C8orf34: variants seen among roughly 807,000 people sequenced by gnomAD.
The protein encoded by C8orf34 is uncharacterized protein C8orf34.
In C8orf34, 65 loss-of-function variants were observed where a neutral mutation model predicts 68.3. The ratio of observed to expected loss-of-function variants is 0.95; its 90% confidence interval spans 0.78 to 1.17. The LOEUF is 1.17. Ranked by LOEUF, C8orf34 falls within the 50% of genes most tolerant of loss-of-function variation. The pLI, the probability that C8orf34 is intolerant of heterozygous loss-of-function variation, is 0.00. For missense variants in C8orf34, 664 were observed against 655.4 expected, an observed-to-expected ratio of 1.01 and a Z score of -0.14; for synonymous variants, 244 against 241.2, an observed-to-expected ratio of 1.01 and a Z score of -0.11.
chr8:68,782,692 T>C (rs564361191), intron 11 of C8orf34, among the ~76,000 whole-genome samples: 1 of 152,320 alleles, frequency 6.6e-6, no homozygotes, highest in Non-Finnish European at 1.5e-5. Context: ...AGTTTAAGTT[T>C]TAATCCAATT....
intron 7 of C8orf34, among the ~76,000 whole-genome samples, chr8:68,559,870 T>C (rs1419759531): frequency 6.6e-6 from 1 of 152,120 alleles, no homozygotes; most frequent in Non-Finnish European, 1.5e-5. Context: ...TGTAGAAGTG[T>C]GGGCTGTGAA....
chr8:68,367,912 GAAAAAAAAAAAAAAAAAAA>G (rs61562318), intron 1 of C8orf34, among the ~76,000 whole-genome samples: 3 of 79,116 alleles, frequency 3.8e-5, no homozygotes, highest in African/African-American at 9.1e-5. Flanking sequence ...AAAAAGAAAA[GAAAAAAAAAAAAAAAAAAA>G]AAAAAAGAAA....
chr8:68,611,335 G>T (rs1818017953), intron 7 of C8orf34, among the ~76,000 whole-genome samples: 1 of 152,088 alleles, frequency 6.6e-6, no homozygotes, highest in Non-Finnish European at 1.5e-5. Context: ...TGTTCTCCTT[G>T]GTTGTCAATT....
Position 68,576,636 on chromosome 8 carries a change from C to T in C8orf34, c.1105+43487C>T, listed in dbSNP as rs186147868. ...TACAGTTCTTATTCTGTGCCAAGCA[C>T]ATTGCTAAATGCATTGCTCCTTGGA... On this transcript the variant is annotated intron_variant, in intron 7 of 13. Coordinates refer to ENST00000518698, the MANE Select transcript of C8orf34 (RefSeq NM_052958.4). Among the ~76,000 whole-genome samples the T allele has an allele frequency of 3.2e-4, 48 of 152,110 alleles. 4 individuals carry two copies. Among genetic ancestry groups the T allele is most frequent in the African/African-American group, 1.0e-3 (43 of 41,512 alleles).
chr8:68,493,180 TATC>T (rs1190028747), intron 5 of C8orf34, among the ~76,000 whole-genome samples: 1 of 152,166 alleles, frequency 6.6e-6, no homozygotes, highest in Non-Finnish European at 1.5e-5. Context: ...ACCCTCAAAA[TATC>T]ATTACACTTC....
intron 7 of C8orf34, among the ~76,000 whole-genome samples, chr8:68,571,262 G>C (rs1402428443): frequency 6.6e-6 from 1 of 152,130 alleles, no homozygotes; most frequent in Admixed American, 6.5e-5. Flanking sequence ...AAATTCATTT[G>C]CTGGCCTGTC....
chr8:68,549,184 C>T (rs1207174807), intron 7 of C8orf34, among the ~76,000 whole-genome samples: 1 of 151,686 alleles, frequency 6.6e-6, no homozygotes, highest in African/African-American at 2.4e-5. Flanking sequence ...ACCATTTTGG[C>T]ACCTTGATTT....
intron 7 of C8orf34, among the ~76,000 whole-genome samples, chr8:68,608,681 C>T (rs1210892833): frequency 6.6e-6 from 1 of 151,804 alleles, no homozygotes; most frequent in Non-Finnish European, 1.5e-5. Flanking sequence ...CAAGGAAGGT[C>T]TGGGTATGAC....
intron 10 of C8orf34, among the ~76,000 whole-genome samples, chr8:68,771,162 A>G (rs1272144379): frequency 6.6e-6 from 1 of 152,224 alleles, no homozygotes; most frequent in Non-Finnish European, 1.5e-5. Context: ...TTTATTGGAT[A>G]CATCAATAAT....
At chr8:68,739,753 A>G (rs1022610152) in intron 10 of C8orf34, among the ~76,000 whole-genome samples, 13 of 152,170 alleles carry the variant, frequency 8.5e-5, no homozygotes, top group African/African-American at 3.1e-4. Context: ...TAAAATCCAC[A>G]TGGAACCAAG....
chr8:68,467,129 C>G (rs192343734), intron 3 of C8orf34, among the ~76,000 whole-genome samples: 1 of 151,920 alleles, frequency 6.6e-6, no homozygotes, highest in Admixed American at 6.6e-5. Context: ...GAGGCATTAT[C>G]TCTTGACATC....
At chr8:68,595,709 A>G (rs1245361255) in intron 7 of C8orf34, among the ~76,000 whole-genome samples, 1 of 152,112 alleles carries the variant, frequency 6.6e-6, no homozygotes, top group Non-Finnish European at 1.5e-5. Context: ...GACATCTATC[A>G]TACAGAAATT....
chr8:68,331,168 C>A lies in C8orf34; in HGVS notation c.156C>A (p.Ser52Arg). Residue 52 changes from serine to arginine, a missense_variant, in exon 1 of 14, where the codon AGC becomes AGA. By Grantham distance (110) the Ser-to-Arg change is moderately radical (BLOSUM62 -1). Coordinates refer to ENST00000518698, the MANE Select transcript of C8orf34 (RefSeq NM_052958.4). Reference sequence around the variant, plus strand: ...ACGCAGGGCAGCCGAGGCTCCGGAGCTCCTGTCCCGGCCCCAGTCCGGGTA... The same window carrying A: ...ACGCAGGGCAGCCGAGGCTCCGGAGATCCTGTCCCGGCCCCAGTCCGGGTA... ...ASHAGQPRLRSSCPGPSPGKR... is the reference protein window; with the variant it reads ...ASHAGQPRLRRSCPGPSPGKR... The A allele has an allele frequency of 1.3e-6, 2 of 1,531,628 alleles. No homozygotes were observed. Among genetic ancestry groups the A allele is most frequent in the Non-Finnish European group, 1.7e-6 (2 of 1,143,558 alleles). 94.9% of individuals were successfully genotyped at this position (1,531,628 alleles called of 1,614,324 possible). A position where few individuals can be genotyped will look rare whatever the true frequency, so the allele number is the denominator to read the frequency against.
Position 68,709,233 on chromosome 8 carries a change from T to A in C8orf34, c.1327+154T>A, listed in dbSNP as rs187124596. Among the ~76,000 whole-genome samples, 7 of 152,276 alleles carry A rather than the reference T, an allele frequency of 4.6e-5. No individual in the cohort carries two copies. The East Asian group carries it at 1.2e-3, about 25-fold the overall frequency. On this transcript the variant is annotated intron_variant, in intron 9 of 13. Transcript: ENST00000518698. The stretch of plus-strand genomic sequence containing the variant: ...ACCGCTGGCACACTCCTTGGGGCTG[T>A]TTGTGTCAGGATAAGAGCAAAGGAG...
At chr8:68,783,832 A>T (rs894084080) in intron 11 of C8orf34, among the ~76,000 whole-genome samples, 13 of 152,176 alleles carry the variant, frequency 8.5e-5, no homozygotes, top group African/African-American at 2.4e-4. Flanking sequence ...TGGCAAAAAA[A>T]ACTTTCTAAA....
At chr8:68,815,727 T>A (rs1392733623) in intron 12 of C8orf34, among the ~76,000 whole-genome samples, 159 bp from the exon 13 acceptor site, 1 of 152,096 alleles carries the variant, frequency 6.6e-6, no homozygotes, top group Non-Finnish European at 1.5e-5. Flanking sequence ...TTCTAAGGAG[T>A]TAAAATACAG....
At chr8:68,730,455 A>AT (rs143543232) in intron 10 of C8orf34, among the ~76,000 whole-genome samples, 1,713 of 152,116 alleles carry the variant, frequency 0.011, 32 homozygotes, top group African/African-American at 0.039. Flanking sequence ...ATCTGGTGGG[A>AT]TTTTTCCTTT....
intron 1 of C8orf34, among the ~76,000 whole-genome samples, chr8:68,412,820 C>A (rs958678014): frequency 1.3e-5 from 2 of 152,138 alleles, no homozygotes; most frequent in African/African-American, 4.8e-5. Flanking sequence ...AATATCCCAA[C>A]CCCAACGACT....
intron 8 of C8orf34, among the ~76,000 whole-genome samples, chr8:68,644,960 A>G (rs552240120): frequency 3.9e-4 from 60 of 152,318 alleles, no homozygotes; most frequent in Non-Finnish European, 6.0e-4. Flanking sequence ...CATACATTGG[A>G]TTTTAGCCTT....
Sources: allele counts gnomAD v4.1 joint callset (sites outside exome capture counted in the v4.1 genomes callset), GRCh38; gene constraint gnomAD v4.1.1; transcripts MANE v1.5; gene names NCBI Gene and HGNC (gene_info 2026-07-23, HGNC 2026-07-21).